Variants in XPO7 observed in about 807,000 individuals in gnomAD.
The protein encoded by XPO7 is exportin 7.
A neutral mutation model predicts 144.3 loss-of-function variants in XPO7; 21 were observed. That is an observed-to-expected ratio of 0.15 (90% confidence interval 0.10 to 0.21). XPO7 has a LOEUF of 0.21. Among genes scored for constraint, XPO7 ranks in the 10% least tolerant of loss-of-function variants. XPO7 has a pLI of 1.00. For missense variants in XPO7, 808 were observed against 1,325.8 expected (o/e 0.61, Z 6.06); for synonymous variants, 580 against 499.6 (o/e 1.16, Z -2.15).
chr8:21,921,420 C>T (rs1810283553), intron 1 of XPO7: 2 of 152,190 alleles, frequency 1.3e-5, no homozygotes, highest in African/African-American at 4.8e-5. Context: ...CTAGAACAGG[C>T]TTTGAATAGA....
Position 21,966,892 on chromosome 8 carries a change from G to C in XPO7, c.54G>C (p.Leu18=), listed in dbSNP as rs529080857. The change falls in exon 2 of 28, where the codon CTG becomes CTC. Residue 18 remains leucine, a synonymous_variant. Transcript: ENST00000252512. ...AACTAGAGAATCTGTGCAAACAGCTGTATGAAACCACAGACACAACCACTC... is the reference window on the plus strand; with the variant it reads ...AACTAGAGAATCTGTGCAAACAGCTCTATGAAACCACAGACACAACCACTC... ...LAQLENLCKQ[L]YETTDTTTRL... is the part of the protein sequence containing the mutation. 1.2e-6 allele frequency: 2 copies of C among 1,613,910 alleles called. No homozygotes were observed. Among genetic ancestry groups the C allele is most frequent in the East Asian group, 2.2e-5 (1 of 44,884 alleles).
chr8:21,926,183 A>G (rs1448608292), intron 1 of XPO7, among the ~76,000 whole-genome samples: 1 of 152,208 alleles, frequency 6.6e-6, no homozygotes, highest in Non-Finnish European at 1.5e-5. Flanking sequence ...TCCTCTGGAA[A>G]ACAATGTTCC....
At chr8:21,922,829 A>G (rs1324494127) in intron 1 of XPO7, among the ~76,000 whole-genome samples, 1 of 152,150 alleles carries the variant, frequency 6.6e-6, no homozygotes, top group Non-Finnish European at 1.5e-5. Flanking sequence ...GTTGGGTCTT[A>G]TTATTTACTG....
chr8:21,978,836 C>G (rs765870798), intron 8 of XPO7, among the ~76,000 whole-genome samples: 3 of 152,204 alleles, frequency 2.0e-5, no homozygotes, highest in Non-Finnish European at 4.4e-5. Context: ...GAGGGGTACC[C>G]TGTTCCCTCT....
chr8:21,945,175 C>T (rs146579370), intron 1 of XPO7, among the ~76,000 whole-genome samples: 8,517 of 152,086 alleles, frequency 0.056, 376 homozygotes, highest in Non-Finnish European at 0.085. Context: ...ACTTCCCAGA[C>T]GGGGCAGCTG....
intron 1 of XPO7, among the ~76,000 whole-genome samples, chr8:21,929,773 T>G (rs1201801997): frequency 6.6e-6 from 1 of 152,212 alleles, no homozygotes; most frequent in African/African-American, 2.4e-5. Flanking sequence ...AAAGGGTTTT[T>G]TTTTTCCCAC....
In XPO7 at chr8:21,970,017, A is replaced by G; in HGVS notation, c.260-127A>G. On this transcript the variant is annotated intron_variant, in intron 3 of 27. Transcript: ENST00000252512. Reference sequence around the variant, plus strand: ...TGGAACAGTAGCATAAATAATTAAGACAGTTTGGGTTAAATAGTCTAAATT... The same window carrying G: ...TGGAACAGTAGCATAAATAATTAAGGCAGTTTGGGTTAAATAGTCTAAATT... 7.5e-6 allele frequency: 8 copies of G among 1,066,372 alleles called. No homozygotes were observed. In the South Asian group the frequency reaches 1.2e-4, roughly 15 times the overall value. The allele number at this position is 1,066,372 out of a possible 1,614,324, so 66.1% of individuals were successfully genotyped here.
chr8:21,926,899 T>C (rs1810476119), intron 1 of XPO7, among the ~76,000 whole-genome samples: 1 of 152,228 alleles, frequency 6.6e-6, no homozygotes, highest in African/African-American at 2.4e-5. Context: ...TGCGAGGTCT[T>C]GTCAAAAACT....
chr8:21,987,353 G>A, intron 14 of XPO7, 77 bp downstream of exon 14: 2 of 1,584,344 alleles, frequency 1.3e-6, no homozygotes, highest in Non-Finnish European at 1.7e-6. Context: ...AACAGTTGCT[G>A]ATAGTTCACA....
Position 21,985,458 on chromosome 8 carries a change from A to G in XPO7, c.1472-128A>G. 5.8e-6 allele frequency: 5 copies of G among 865,378 alleles called. No individual in the cohort carries two copies. The East Asian group carries it at 9.7e-5, about 17-fold the overall frequency. The allele number at this position is 865,378 out of a possible 1,614,324, so 53.6% of individuals were successfully genotyped here. Reference sequence around the variant, plus strand: ...CCCTTACCAAAGCAGAGAAGTAGCCATTCTCTGTAAGAAAAGTAAGACTTC... The same window carrying G: ...CCCTTACCAAAGCAGAGAAGTAGCCGTTCTCTGTAAGAAAAGTAAGACTTC... On this transcript the variant is annotated intron_variant, in intron 12 of 27. Transcript: ENST00000252512.
intron 1 of XPO7, among the ~76,000 whole-genome samples, chr8:21,943,793 A>T (rs1449164748): frequency 6.6e-6 from 1 of 152,214 alleles, no homozygotes; most frequent in East Asian, 1.9e-4. Context: ...TGGGAAGATA[A>T]GTTATAATCT....
At chr8:21,983,871 C>T (rs1812483824) in intron 11 of XPO7, among the ~76,000 whole-genome samples, 1 of 147,298 alleles carries the variant, frequency 6.8e-6, no homozygotes, top group African/African-American at 2.6e-5. Context: ...GCTGCTGCTG[C>T]TGCCATTATC....
At chr8:21,999,396 A>G (rs533127743) in intron 23 of XPO7, 91 bp downstream of exon 23, 1 of 1,579,822 alleles carries the variant, frequency 6.3e-7, no homozygotes, top group East Asian at 2.2e-5. Flanking sequence ...CTCTTGAGAA[A>G]CTATGTAAGC....
chr8:21,971,004 A>G (rs769480800), intron 4 of XPO7, among the ~76,000 whole-genome samples: 3 of 152,184 alleles, frequency 2.0e-5, no homozygotes, highest in Non-Finnish European at 4.4e-5. Context: ...AACTCCATTC[A>G]TGGTAAGCGC....
intron 12 of XPO7, 122 bp downstream of exon 12, chr8:21,984,961 C>A: frequency 9.7e-7 from 1 of 1,031,380 alleles, no homozygotes; most frequent in East Asian, 2.6e-5. Context: ...CTGTTGTCTC[C>A]ATATGCACAA....
chr8:21,987,901 T>C, intron 15 of XPO7, 44 bp downstream of exon 15: 1 of 1,586,530 alleles, frequency 6.3e-7, no homozygotes, highest in Non-Finnish European at 8.6e-7. Flanking sequence ...TTTGCACTCC[T>C]GTTGCAACTG....
intron 1 of XPO7, among the ~76,000 whole-genome samples, chr8:21,946,598 A>AC (rs397934057): frequency 1.3e-5 from 2 of 149,792 alleles, no homozygotes; most frequent in Non-Finnish European, 3.0e-5. Context: ...AAAAAAAAAA[A>AC]CATGAATCTA....
chr8:21,989,198 C>A, intron 16 of XPO7, 115 bp downstream of exon 16: 1 of 966,562 alleles, frequency 1.0e-6, no homozygotes, highest in Non-Finnish European at 1.5e-6. Flanking sequence ...ACTCACATAT[C>A]TTCCATTTTC....
chr8:21,949,729 A>G (rs948651547), intron 1 of XPO7, among the ~76,000 whole-genome samples: 9 of 152,022 alleles, frequency 5.9e-5, no homozygotes, highest in African/African-American at 1.7e-4. Context: ...TGTTGTTGTT[A>G]TTGTTGTTGT....
Sources: gnomAD v4.1 joint callset for allele counts (sites outside exome capture counted in the v4.1 genomes callset) on GRCh38, gnomAD v4.1.1 for gene constraint, MANE v1.5 for transcripts, NCBI Gene and HGNC (gene_info 2026-07-23, HGNC 2026-07-21) for gene names.